The following GPC5 variants were observed in gnomAD, a reference collection of about 807,000 sequenced individuals.
The protein encoded by GPC5 is glypican 5.
Under a neutral mutation model 53.9 loss-of-function variants are expected in GPC5, and 47 were observed. The observed-to-expected ratio is 0.87, with a 90% CI of 0.69 to 1.11. The LOEUF (loss-of-function observed/expected upper bound fraction) is 1.11. GPC5 is among the 50% of genes most tolerant of loss of function. The pLI is 0.00. For synonymous variants in GPC5, 286 were observed against 263.3 expected (o/e 1.09, Z -0.84); for missense variants, 748 against 713.1 (o/e 1.05, Z -0.56).
intron 7 of GPC5, among the ~76,000 whole-genome samples, chr13:92,809,315 C>T (rs536233215): frequency 2.0e-5 from 3 of 152,134 alleles, no homozygotes; most frequent in Middle Eastern, 3.2e-3. Context: ...CAATGAGCCC[C>T]ATCATAGGCA....
chr13:92,400,662 G>A (rs559196175), intron 7 of GPC5, among the ~76,000 whole-genome samples: 11 of 152,164 alleles, frequency 7.2e-5, no homozygotes, highest in Admixed American at 4.6e-4. Flanking sequence ...TGAAATTCAC[G>A]AAGCACTCAA....
At chr13:92,365,867 A>T (rs980552030) in intron 7 of GPC5, among the ~76,000 whole-genome samples, 8 of 151,430 alleles carry the variant, frequency 5.3e-5, no homozygotes, top group African/African-American at 2.0e-4. Flanking sequence ...TTCTTGAAGG[A>T]CTTGCCTGAG....
intron 5 of GPC5, among the ~76,000 whole-genome samples, chr13:91,862,794 G>A (rs975309529): frequency 6.6e-6 from 1 of 152,016 alleles, no homozygotes; most frequent in Non-Finnish European, 1.5e-5. Context: ...TCCCAATAAT[G>A]TTTCATAGCA....
intron 7 of GPC5, among the ~76,000 whole-genome samples, chr13:92,669,261 T>C (rs762961454): frequency 2.0e-5 from 3 of 152,144 alleles, no homozygotes; most frequent in Non-Finnish European, 4.4e-5. Context: ...AGATCTAATT[T>C]ATGGTTACTT....
chr13:91,792,618 T>A (rs958168182), intron 5 of GPC5, among the ~76,000 whole-genome samples: 2 of 152,198 alleles, frequency 1.3e-5, no homozygotes, highest in African/African-American at 4.8e-5. Context: ...CATCTCAGCC[T>A]AGCAGGGTAT....
intron 5 of GPC5, among the ~76,000 whole-genome samples, chr13:91,770,704 TTGTGTGTGTG>T (rs71113759): frequency 2.1e-5 from 3 of 145,554 alleles, no homozygotes; most frequent in Non-Finnish European, 3.0e-5. Context: ...GACTGTGTGT[TTGTGTGTGTG>T]TGTGTGTGTG....
chr13:92,655,921 C>T (rs1472953128), intron 7 of GPC5, among the ~76,000 whole-genome samples: 1 of 152,106 alleles, frequency 6.6e-6, no homozygotes, highest in Admixed American at 6.5e-5. Flanking sequence ...TAAAAATTAT[C>T]TTGAAAACCT....
At chr13:91,633,925 A>T (rs978118880) in intron 2 of GPC5, among the ~76,000 whole-genome samples, 1 of 152,138 alleles carries the variant, frequency 6.6e-6, no homozygotes, top group Non-Finnish European at 1.5e-5. Context: ...ACTTAGAGTA[A>T]ATTAGCCAGA....
chr13:92,464,050 G>A (rs1201653731), intron 7 of GPC5, among the ~76,000 whole-genome samples: 1 of 152,204 alleles, frequency 6.6e-6, no homozygotes, highest in African/African-American at 2.4e-5. Context: ...AACAGTTGCA[G>A]TAAGAGGGAA....
At chr13:91,800,355 A>G (rs1398819673) in intron 5 of GPC5, among the ~76,000 whole-genome samples, 2 of 152,068 alleles carry the variant, frequency 1.3e-5, no homozygotes, top group Non-Finnish European at 1.5e-5. Flanking sequence ...TCTCTCATCT[A>G]GTTTTCCTAT....
chr13:92,630,372 C>G (rs1885195477), intron 7 of GPC5, among the ~76,000 whole-genome samples: 1 of 151,928 alleles, frequency 6.6e-6, no homozygotes, highest in Admixed American at 6.6e-5. Flanking sequence ...TAATGTACAC[C>G]TACATGAGAA....
chr13:91,730,985 G>A (rs1235738611), intron 4 of GPC5, among the ~76,000 whole-genome samples: 2 of 152,174 alleles, frequency 1.3e-5, no homozygotes, highest in Non-Finnish European at 1.5e-5. Flanking sequence ...AGACATTTGG[G>A]TGATGTGATC....
chr13:92,075,711 TA>T (rs2041246658), intron 6 of GPC5, among the ~76,000 whole-genome samples: 2 of 152,304 alleles, frequency 1.3e-5, no homozygotes, highest in East Asian at 3.9e-4. Context: ...GGCTTATTAT[TA>T]TTTCTGGTTG....
At chr13:92,188,004 T>A (rs748261918) in intron 7 of GPC5, among the ~76,000 whole-genome samples, 19 of 152,206 alleles carry the variant, frequency 1.2e-4, no homozygotes, top group Non-Finnish European at 2.6e-4. Flanking sequence ...CTAATTTCAT[T>A]CTGAAACCCA....
At chr13:91,559,622 A>G (rs1431676198) in intron 2 of GPC5, among the ~76,000 whole-genome samples, 1 of 152,170 alleles carries the variant, frequency 6.6e-6, no homozygotes, top group Non-Finnish European at 1.5e-5. Flanking sequence ...TTGGACCCAC[A>G]TGAAACTGGC....
chr13:92,484,653 G>A (rs7336965), intron 7 of GPC5: 3 of 152,046 alleles, frequency 2.0e-5, no homozygotes, highest in Non-Finnish European at 2.9e-5. Flanking sequence ...ATGATAAAAG[G>A]CTACTCTCTT....
chr13:92,051,205 T>C (rs902255916), intron 6 of GPC5, among the ~76,000 whole-genome samples: 13 of 143,680 alleles, frequency 9.0e-5, no homozygotes, highest in Admixed American at 1.4e-4. Flanking sequence ...TTTTCTTTTT[T>C]TTTTTTTTTT....
chr13:92,814,006 T>C (rs909941571), intron 7 of GPC5, among the ~76,000 whole-genome samples: 1 of 151,968 alleles, frequency 6.6e-6, no homozygotes, highest in African/African-American at 2.4e-5. Context: ...GCCATTAAGA[T>C]TGTGTGATAC....
At chr13:92,123,437 G>C (rs542330728) in intron 6 of GPC5, among the ~76,000 whole-genome samples, 8 of 152,048 alleles carry the variant, frequency 5.3e-5, no homozygotes, top group Non-Finnish European at 1.0e-4. Context: ...TAATAAAAAA[G>C]AAAAGGCAGG....
Sources: allele counts gnomAD v4.1 joint callset (sites outside exome capture counted in the v4.1 genomes callset), GRCh38; gene constraint gnomAD v4.1.1; transcripts MANE v1.5; gene names NCBI Gene and HGNC (gene_info 2026-07-23, HGNC 2026-07-21).